GRM7: variants seen among roughly 807,000 people sequenced by gnomAD.
The protein encoded by GRM7 is glutamate metabotropic receptor 7, also known as metabotropic glutamate receptor 7.
GRM7 carries 35 observed loss-of-function variants against 84.5 expected under a neutral mutation model. That is an observed-to-expected ratio of 0.41 (90% CI 0.32 to 0.55). The LOEUF (loss-of-function observed/expected upper bound fraction) is 0.55. GRM7 is among the 20% of genes least tolerant of loss of function. The pLI, the probability that GRM7 is intolerant of heterozygous loss-of-function variation, is 0.19. For missense variants in GRM7, 1,003 were observed against 1,194.6 expected (o/e 0.84, Z 2.36); for synonymous variants, 487 against 455.1 (o/e 1.07, Z -0.89).
chr3:7,296,175 A>G (rs1699808877), intron 2 of GRM7, among the ~76,000 whole-genome samples: 1 of 151,976 alleles, frequency 6.6e-6, no homozygotes, highest in Non-Finnish European at 1.5e-5. Context: ...TAGTCTGACA[A>G]TATGTAAATA....
rs140660381 is a variant in GRM7 at position 7,543,968 on chromosome 3, A to G, written c.1516-34454A>G. ...TCAGAGCTTTTCACTATTAAAAGGCAGTTGTATAAGTTCCACAATTATGTC... is the reference window on the plus strand; with the variant it reads ...TCAGAGCTTTTCACTATTAAAAGGCGGTTGTATAAGTTCCACAATTATGTC... On this transcript the variant is annotated intron_variant, in intron 7 of 9. Transcript: ENST00000357716. Among the ~76,000 whole-genome samples the G allele has an allele frequency of 4.9e-3, 744 of 152,302 alleles. 6 individuals carry two copies. Among genetic ancestry groups the G allele is most frequent in the Middle Eastern group, 0.014 (4 of 294 alleles).
chr3:7,617,807 A>G lies in GRM7; in HGVS notation c.2451+38450A>G, dbSNP rs368425102. Among the ~76,000 whole-genome samples the G allele has an allele frequency of 2.0e-5, 3 of 152,258 alleles. No individual in the cohort carries two copies. The South Asian group carries it at 6.2e-4, about 32-fold the overall frequency. ...GAAGTCTCTCCAACAAACTATTCCA[A>G]ATGTCGACCTTTATTAAAGAATAAG... On this transcript the variant is annotated intron_variant, in intron 8 of 9. Coordinates refer to ENST00000357716, the MANE Select transcript of GRM7 (RefSeq NM_000844.4).
intron 2 of GRM7, among the ~76,000 whole-genome samples, chr3:7,289,366 G>A (rs1699539438): frequency 6.6e-6 from 1 of 152,094 alleles, no homozygotes; most frequent in Admixed American, 6.6e-5. Flanking sequence ...TCTAAGCTTA[G>A]GTCATTTGCA....
chr3:6,880,155 A>T (rs1695456217), intron 1 of GRM7, among the ~76,000 whole-genome samples: 1 of 152,178 alleles, frequency 6.6e-6, no homozygotes, highest in Non-Finnish European at 1.5e-5. Flanking sequence ...TGAGGGGAGA[A>T]TGGGTAATTA....
intron 7 of GRM7, among the ~76,000 whole-genome samples, chr3:7,501,548 G>C (rs1699884097): frequency 6.6e-6 from 1 of 152,166 alleles, no homozygotes; most frequent in Admixed American, 6.5e-5. Context: ...CTGAGGTTTG[G>C]AGAGGTTAGC....
chr3:7,670,722 A>AT (rs61464358), intron 8 of GRM7, among the ~76,000 whole-genome samples: 152,302 of 152,304 alleles, frequency 1, 76,150 homozygotes, highest in Middle Eastern at 1. Context: ...GCTCAGATTA[A>AT]TTCTTTAAAC....
intron 9 of GRM7, among the ~76,000 whole-genome samples, chr3:7,731,054 A>C (rs1335972376): frequency 6.6e-6 from 1 of 150,964 alleles, no homozygotes; most frequent in African/African-American, 2.5e-5. Context: ...GATGCTTTAC[A>C]TCTTAAAGTA....
chr3:7,117,056 G>A (rs1310777440), intron 1 of GRM7, among the ~76,000 whole-genome samples: 2 of 152,162 alleles, frequency 1.3e-5, no homozygotes, highest in Admixed American at 6.6e-5. Flanking sequence ...AAGTGTTGGG[G>A]TTAAGCACTG....
intron 4 of GRM7, among the ~76,000 whole-genome samples, chr3:7,329,831 A>G (rs1201453414): frequency 1.3e-5 from 2 of 152,146 alleles, no homozygotes; most frequent in Non-Finnish European, 2.9e-5. Context: ...TGCATAACAT[A>G]TATGCATCTA....
chr3:7,385,340 G>T (rs538142917), intron 4 of GRM7, among the ~76,000 whole-genome samples: 1 of 118,420 alleles, frequency 8.4e-6, no homozygotes, highest in East Asian at 2.9e-4. Flanking sequence ...TCGCTCTGTC[G>T]CACAGGCTGG....
At chr3:7,399,521 A>G (rs1695357743) in intron 4 of GRM7, among the ~76,000 whole-genome samples, 1 of 152,038 alleles carries the variant, frequency 6.6e-6, no homozygotes, top group Non-Finnish European at 1.5e-5. Context: ...TGAAATGGGG[A>G]TAAGGTAGTA....
At chr3:7,586,379 GA>G (rs1695516274) in intron 8 of GRM7, among the ~76,000 whole-genome samples, 3 of 149,088 alleles carry the variant, frequency 2.0e-5, no homozygotes, top group Admixed American at 2.0e-4. Context: ...ACTTGTACAT[GA>G]GGGGTTTTTT....
At chr3:7,593,403 A>T (rs759730132) in intron 8 of GRM7, among the ~76,000 whole-genome samples, 21 of 152,214 alleles carry the variant, frequency 1.4e-4, no homozygotes, top group Non-Finnish European at 2.5e-4. Context: ...AAAGGGGAAC[A>T]AGACAAATTC....
intron 5 of GRM7, among the ~76,000 whole-genome samples, chr3:7,449,667 G>A (rs779755): frequency 0.96 from 146,816 of 152,238 alleles, 70,838 homozygotes; most frequent in East Asian, 1. Flanking sequence ...TGACCCAGTC[G>A]CATATGGAAA....
At chr3:7,220,187 G>A (rs1220533948) in intron 2 of GRM7, among the ~76,000 whole-genome samples, 1 of 152,126 alleles carries the variant, frequency 6.6e-6, no homozygotes, top group Admixed American at 6.5e-5. Flanking sequence ...TTCCTTAATT[G>A]TGGGCTACAC....
Position 6,892,234 on chromosome 3 carries a change from A to G in GRM7, c.519+30327A>G, listed in dbSNP as rs987283649. Among the ~76,000 whole-genome samples the G allele has an allele frequency of 4.6e-5, 7 of 152,288 alleles. No homozygotes were observed. In the South Asian group the frequency reaches 1.4e-3, roughly 32 times the overall value. Reference sequence around the variant, plus strand: ...TCAAGTCCTATATTTTGAATTAGAAATGAATGATATGAGGAAGCAAGGACC... The same window carrying G: ...TCAAGTCCTATATTTTGAATTAGAAGTGAATGATATGAGGAAGCAAGGACC... On this transcript the variant is annotated intron_variant, in intron 1 of 9. Transcript: ENST00000357716.
rs575685532 is a variant in GRM7, at chr3:7,491,707, G to A, written c.1515+29985G>A. 6.6e-5 allele frequency among the ~76,000 whole-genome samples: 10 copies of A among 152,152 alleles called. 1 individual carries two copies. In the East Asian group the frequency reaches 9.7e-4, roughly 15 times the overall value. Reference sequence around the variant, plus strand: ...CAGCTCCTCTACACAACAGCTGTACGTCCGTAGGCAAATCATTTTCTCCTC... The same window carrying A: ...CAGCTCCTCTACACAACAGCTGTACATCCGTAGGCAAATCATTTTCTCCTC... On this transcript the variant is annotated intron_variant, in intron 7 of 9. Transcript: ENST00000357716.
chr3:7,500,682 C>G (rs1177152966), intron 7 of GRM7, among the ~76,000 whole-genome samples: 1 of 152,226 alleles, frequency 6.6e-6, no homozygotes, highest in Admixed American at 6.5e-5. Context: ...TCCCTCAGCC[C>G]CTTGGGCAGA....
In GRM7 at chr3:7,075,093, A is replaced by T. The variant is rs577605585; in HGVS notation, c.520-71359A>T. Among the ~76,000 whole-genome samples, 241 of 152,308 alleles carry T rather than the reference A, an allele frequency of 1.6e-3. 1 individual carries two copies. Among genetic ancestry groups the T allele is most frequent in the African/African-American group, 5.5e-3 (229 of 41,572 alleles). On this transcript the variant is annotated intron_variant, in intron 1 of 9. Transcript: ENST00000357716. ...AATAAAGAGGCAAGTTAGATGAAAA[A>T]AGGTGCAGGTCAGGGGATTTATGCA...
Sources: gnomAD v4.1 joint callset for allele counts (sites outside exome capture counted in the v4.1 genomes callset) on GRCh38, gnomAD v4.1.1 for gene constraint, MANE v1.5 for transcripts, NCBI Gene and HGNC (gene_info 2026-07-23, HGNC 2026-07-21) for gene names.